Variants in PPARGC1A observed in about 807,000 individuals in gnomAD.
PPARGC1A encodes the protein peroxisome proliferator-activated receptor gamma coactivator 1-alpha.
PPARGC1A carries 25 observed loss-of-function variants against 88.7 expected under a neutral mutation model. That is an observed-to-expected ratio of 0.28 (90% CI 0.21 to 0.39). The LOEUF (loss-of-function observed/expected upper bound fraction) is 0.39, where lower values mean the gene tolerates loss of function less well. PPARGC1A is among the 10% of genes least tolerant of loss of function. PPARGC1A has a pLI of 1.00. For synonymous variants in PPARGC1A, 363 were observed against 355.6 expected, an observed-to-expected ratio of 1.02 and a Z score of -0.24; for missense variants, 880 against 968.7, an observed-to-expected ratio of 0.91 and a Z score of 1.22.
At chr4:24,266,395 C>T in the PPARGC1A span, among the ~76,000 whole-genome samples, 2 of 152,112 alleles carry the variant, frequency 1.3e-5, no homozygotes, top group African/African-American at 2.4e-5. Flanking sequence ...ACCCTCTGAA[C>T]CCCAGGATCT....
chr4:24,405,137 A>G, the PPARGC1A span, among the ~76,000 whole-genome samples: 19 of 152,346 alleles, frequency 1.2e-4, no homozygotes, highest in East Asian at 2.7e-3. Flanking sequence ...AAATAAAATA[A>G]AAATAAAATA....
At chr4:24,084,563 A>C in the PPARGC1A span, among the ~76,000 whole-genome samples, 8 of 152,286 alleles carry the variant, frequency 5.3e-5, no homozygotes, top group South Asian at 1.7e-3. Flanking sequence ...TAGACCTAGG[A>C]ATGAGTTATA....
chr4:24,384,575 A>AAAAAAAAGC, the PPARGC1A span, among the ~76,000 whole-genome samples: 1 of 151,570 alleles, frequency 6.6e-6, no homozygotes, highest in Non-Finnish European at 1.5e-5. Flanking sequence ...AAAAAAAAAA[A>AAAAAAAAGC]AAGCAAGGGT....
At chr4:23,871,839 T>G (rs1421165375) in intron 2 of PPARGC1A, among the ~76,000 whole-genome samples, 1 of 152,138 alleles carries the variant, frequency 6.6e-6, no homozygotes, top group Non-Finnish European at 1.5e-5. Context: ...AATAAATTTC[T>G]CAGAAAGAAC....
At chr4:24,134,110 C>A in the PPARGC1A span, among the ~76,000 whole-genome samples, 2 of 152,162 alleles carry the variant, frequency 1.3e-5, no homozygotes, top group Non-Finnish European at 2.9e-5. Flanking sequence ...AAAGGTGATT[C>A]TTTCAAAGAC....
chr4:24,095,115 CTTTTT>C, the PPARGC1A span, among the ~76,000 whole-genome samples: 2 of 122,406 alleles, frequency 1.6e-5, no homozygotes, highest in East Asian at 2.4e-4. Context: ...GAAATAGGGT[CTTTTT>C]TTTTTTTTTT....
rs185078119 is a variant in PPARGC1A at position 23,810,218 on chromosome 4, G to A, written c.2019+2529C>T. On this transcript the variant is annotated intron_variant, in intron 10 of 12. Coordinates refer to ENST00000264867, the MANE Select transcript of PPARGC1A (RefSeq NM_013261.5). ...CACTCTGTTGGTAAACAATCTCTAT[G>A]TTCTAGGTTTCCTTCAATCTACTTT... 2.6e-5 allele frequency among the ~76,000 whole-genome samples: 4 copies of A among 152,268 alleles called. No individual in the cohort carries two copies. In the East Asian group the frequency reaches 7.7e-4, roughly 29 times the overall value.
At chr4:24,164,964 G>T in the PPARGC1A span, among the ~76,000 whole-genome samples, 3 of 152,100 alleles carry the variant, frequency 2.0e-5, no homozygotes, top group Admixed American at 2.0e-4. Context: ...AGAGGAGCCT[G>T]CTGAGGGGGA....
chr4:24,431,166 A>T, the PPARGC1A span, among the ~76,000 whole-genome samples: 13 of 151,828 alleles, frequency 8.6e-5, no homozygotes, highest in Non-Finnish European at 1.6e-4. Flanking sequence ...GAAAAAGAAA[A>T]GACAAGAAAG....
chr4:24,090,261 G>T, the PPARGC1A span, among the ~76,000 whole-genome samples: 1 of 152,300 alleles, frequency 6.6e-6, no homozygotes, highest in Admixed American at 6.5e-5. Context: ...CCTGAAAGTA[G>T]CATGCAGAGA....
At chr4:24,194,489 C>A in the PPARGC1A span, among the ~76,000 whole-genome samples, 2 of 152,174 alleles carry the variant, frequency 1.3e-5, no homozygotes, top group Non-Finnish European at 1.5e-5. Context: ...TAGGAAACAT[C>A]TGATTAAATC....
chr4:24,018,995 TCAG>T, the PPARGC1A span, among the ~76,000 whole-genome samples: 41 of 152,306 alleles, frequency 2.7e-4, no homozygotes, highest in East Asian at 7.5e-3. Context: ...ATATTTATGC[TCAG>T]CATATTTGAA....
At chr4:24,440,910 T>C in the PPARGC1A span, among the ~76,000 whole-genome samples, 7 of 152,198 alleles carry the variant, frequency 4.6e-5, no homozygotes, top group Admixed American at 4.6e-4. Flanking sequence ...ACCTGGAATC[T>C]GCTTCTGTTG....
chr4:24,321,974 T>C, the PPARGC1A span, among the ~76,000 whole-genome samples: 1 of 152,240 alleles, frequency 6.6e-6, no homozygotes, highest in Non-Finnish European at 1.5e-5. Context: ...CTACATGGGA[T>C]TGTTTTTTCT....
the PPARGC1A span, among the ~76,000 whole-genome samples, chr4:23,910,325 T>TTA: frequency 2.2e-5 from 1 of 45,230 alleles, no homozygotes; most frequent in Admixed American, 2.9e-4. Context: ...ATTATATATA[T>TTA]TATATATTAT....
intron 4 of PPARGC1A, 138 bp from the exon 5 acceptor site, chr4:23,828,742 G>A: frequency 1.4e-6 from 1 of 721,492 alleles, no homozygotes; most frequent in African/African-American, 1.8e-5. Context: ...GTGAATAACT[G>A]TTTGCAGAAC....
the PPARGC1A span, among the ~76,000 whole-genome samples, chr4:24,417,685 T>C: frequency 9.8e-3 from 1,491 of 152,316 alleles, 18 homozygotes; most frequent in African/African-American, 0.034. Flanking sequence ...TTTGCAGCCA[T>C]TAAAGGTTAC....
At chr4:24,411,666 C>G in the PPARGC1A span, among the ~76,000 whole-genome samples, 1 of 152,200 alleles carries the variant, frequency 6.6e-6, no homozygotes. Flanking sequence ...TGTGTTCCAT[C>G]TCTTCATCTC....
At chr4:24,300,321 A>G in the PPARGC1A span, among the ~76,000 whole-genome samples, 34 of 78,566 alleles carry the variant, frequency 4.3e-4, no homozygotes, top group Non-Finnish European at 8.1e-4. Context: ...TCTATACAAT[A>G]GCATTTTTTT....
Sources: allele counts gnomAD v4.1 joint callset (sites outside exome capture counted in the v4.1 genomes callset), GRCh38; gene constraint gnomAD v4.1.1; transcripts MANE v1.5; gene names NCBI Gene and HGNC (gene_info 2026-07-23, HGNC 2026-07-21).